The following LRMDA variants were observed in gnomAD, a reference collection of about 807,000 sequenced individuals.
LRMDA encodes the protein leucine-rich melanocyte differentiation-associated protein.
In LRMDA, 18 loss-of-function variants were observed where a neutral mutation model predicts 29.8. The ratio of observed to expected loss-of-function variants is 0.60; its 90% CI spans 0.42 to 0.90. The LOEUF is 0.90. Ranked by LOEUF, LRMDA falls within the 40% of genes least tolerant of loss-of-function variation. LRMDA has a pLI of 0.00. For synonymous variants in LRMDA, 125 were observed against 109.4 expected, an observed-to-expected ratio of 1.14 and a Z score of -0.89; for missense variants, 273 against 273.9, an observed-to-expected ratio of 1.00 and a Z score of 0.02.
At chr10:76,128,519 T>C (rs1849928032) in intron 5 of LRMDA, among the ~76,000 whole-genome samples, 1 of 152,186 alleles carries the variant, frequency 6.6e-6, no homozygotes, top group Non-Finnish European at 1.5e-5. Context: ...ACTGGGAATG[T>C]GTGGGAAGTG....
chr10:75,609,178 G>A (rs1369609913), intron 2 of LRMDA, among the ~76,000 whole-genome samples: 1 of 152,098 alleles, frequency 6.6e-6, no homozygotes, highest in Non-Finnish European at 1.5e-5. Flanking sequence ...AAGGAATCAA[G>A]CCCAAAGTAT....
intron 2 of LRMDA, among the ~76,000 whole-genome samples, chr10:75,613,996 G>C (rs1312749508): frequency 6.6e-6 from 1 of 152,162 alleles, no homozygotes; most frequent in Non-Finnish European, 1.5e-5. Flanking sequence ...TGGCAGATAA[G>C]ACCTTGAAAA....
At chr10:75,836,816 A>AATTTTC (rs1844445586) in intron 2 of LRMDA, among the ~76,000 whole-genome samples, 1 of 152,098 alleles carries the variant, frequency 6.6e-6, no homozygotes, top group Non-Finnish European at 1.5e-5. Context: ...ACTCCTGTTG[A>AATTTTC]ATTTTCAGTC....
chr10:76,363,166 A>AGGG (rs1841336920), intron 6 of LRMDA, among the ~76,000 whole-genome samples: 6 of 25,952 alleles, frequency 2.3e-4, no homozygotes, highest in African/African-American at 8.3e-4. Flanking sequence ...AGAAAGAAAG[A>AGGG]AAGAAAGAAA....
intron 3 of LRMDA, among the ~76,000 whole-genome samples, chr10:76,037,143 G>T (rs1848262773): frequency 6.6e-6 from 1 of 152,210 alleles, no homozygotes; most frequent in South Asian, 2.1e-4. Context: ...AAGAGGTGAG[G>T]TGTAGGCACA....
intron 5 of LRMDA, among the ~76,000 whole-genome samples, chr10:76,193,659 C>T (rs1399527628): frequency 2.6e-5 from 4 of 152,082 alleles, no homozygotes; most frequent in African/African-American, 9.7e-5. Context: ...TCTTCAATGA[C>T]AGTGAACAGA....
At chr10:75,579,397 C>A (rs1389223463) in intron 2 of LRMDA, among the ~76,000 whole-genome samples, 5 of 152,146 alleles carry the variant, frequency 3.3e-5, no homozygotes, top group Non-Finnish European at 5.9e-5. Flanking sequence ...CTGAATAGAC[C>A]AATAACAAGT....
At chr10:75,732,857 C>A (rs968661795) in intron 2 of LRMDA, among the ~76,000 whole-genome samples, 2 of 152,156 alleles carry the variant, frequency 1.3e-5, no homozygotes, top group Non-Finnish European at 2.9e-5. Context: ...GACTTCTTAT[C>A]CCATGAGGAG....
chr10:75,790,535 G>A (rs746933112), intron 2 of LRMDA, among the ~76,000 whole-genome samples: 6 of 152,166 alleles, frequency 3.9e-5, no homozygotes, highest in Non-Finnish European at 7.3e-5. Context: ...TCTTTTCCTT[G>A]TATTCCTCTC....
intron 5 of LRMDA, among the ~76,000 whole-genome samples, chr10:76,199,041 G>T (rs1851380761): frequency 6.6e-6 from 1 of 152,066 alleles, no homozygotes; most frequent in African/African-American, 2.4e-5. Flanking sequence ...AATAAATCTA[G>T]GCAGGTTATC....
At chr10:76,138,320 A>G (rs1340111052) in intron 5 of LRMDA, among the ~76,000 whole-genome samples, 3 of 152,150 alleles carry the variant, frequency 2.0e-5, no homozygotes, top group Non-Finnish European at 1.5e-5. Context: ...GGTTCTGGAC[A>G]GCTTCCAGAG....
At chr10:76,323,510 G>T (rs1589427433) in intron 5 of LRMDA, among the ~76,000 whole-genome samples, 1 of 151,940 alleles carries the variant, frequency 6.6e-6, no homozygotes, top group Non-Finnish European at 1.5e-5. Context: ...AAAAAAAAAA[G>T]CTACATTTGA....
At chr10:75,789,141 C>T (rs1843524057) in intron 2 of LRMDA, among the ~76,000 whole-genome samples, 1 of 152,238 alleles carries the variant, frequency 6.6e-6, no homozygotes, top group Non-Finnish European at 1.5e-5. Context: ...ACACTTCTAG[C>T]TGTGTGACTT....
At chr10:76,528,105 G>GT (rs1355677012) in intron 6 of LRMDA, among the ~76,000 whole-genome samples, 4 of 152,288 alleles carry the variant, frequency 2.6e-5, no homozygotes, top group African/African-American at 9.6e-5. Context: ...ATATTAATAT[G>GT]TTTTTGAAAA....
At chr10:75,926,062 T>G (rs1331416089) in intron 2 of LRMDA, among the ~76,000 whole-genome samples, 1 of 152,216 alleles carries the variant, frequency 6.6e-6, no homozygotes, top group Non-Finnish European at 1.5e-5. Context: ...ATTCAGGTAG[T>G]CTGGTAGCAG....
At chr10:75,499,927 A>G (rs1368311594) in intron 2 of LRMDA, among the ~76,000 whole-genome samples, 3 of 152,302 alleles carry the variant, frequency 2.0e-5, no homozygotes, top group East Asian at 3.9e-4. Context: ...CAATGAAAAG[A>G]TAGTTGAGCT....
intron 5 of LRMDA, among the ~76,000 whole-genome samples, chr10:76,297,891 T>G (rs1840431417): frequency 1.3e-5 from 2 of 152,228 alleles, no homozygotes; most frequent in Non-Finnish European, 2.9e-5. Context: ...AAATGTTTAC[T>G]TATCCAGGTA....
intron 2 of LRMDA, among the ~76,000 whole-genome samples, chr10:75,512,322 A>G (rs931745704): frequency 6.6e-6 from 1 of 151,506 alleles, no homozygotes; most frequent in Non-Finnish European, 1.5e-5. Context: ...ATTCACAGCT[A>G]ATCGTTTTCT....
Position 75,879,345 on chromosome 10 carries a change from C to G in LRMDA, c.132-156663C>G, listed in dbSNP as rs528760419. Among the ~76,000 whole-genome samples the G allele has an allele frequency of 1.3e-5, 2 of 152,316 alleles. 1 individual carries two copies. Among genetic ancestry groups the G allele is most frequent in the South Asian group, 4.1e-4 (2 of 4,830 alleles). On this transcript the variant is annotated intron_variant, in intron 2 of 6. Coordinates refer to ENST00000611255, the MANE Select transcript of LRMDA (RefSeq NM_001305581.2). ...CTGCGTACCTTTGCCCTTAGAAACT[C>G]TCTCTTCCCACCACCAGGTTCCTAC...
Sources: gnomAD v4.1 joint callset for allele counts (sites outside exome capture counted in the v4.1 genomes callset) on GRCh38, gnomAD v4.1.1 for gene constraint, MANE v1.5 for transcripts, NCBI Gene and HGNC (gene_info 2026-07-23, HGNC 2026-07-21) for gene names.